Variants in PA2G4 observed in about 807,000 individuals in gnomAD.
PA2G4 encodes the protein proliferation-associated protein 2G4.
A neutral mutation model predicts 53.3 loss-of-function variants in PA2G4; 8 were observed. That is an observed-to-expected ratio of 0.15 (90% CI 0.09 to 0.27). The LOEUF is 0.27. PA2G4 is among the 10% of genes least tolerant of loss of function. PA2G4 has a pLI of 1.00. For synonymous variants in PA2G4, 143 were observed against 169.8 expected (o/e 0.84, Z 1.23); for missense variants, 208 against 486.8 (o/e 0.43, Z 5.39).
At chr12:56,106,543 AC>A (rs1176750292) in intron 1 of PA2G4, 44 bp from the exon 2 acceptor site, 11 of 1,478,818 alleles carry the variant, frequency 7.4e-6, no homozygotes, top group Non-Finnish European at 7.2e-6. Context: ...TGGTAACTAG[AC>A]AATGAATACA....
chr12:56,108,806 A>G (rs909909930), intron 5 of PA2G4, among the ~76,000 whole-genome samples: 1 of 152,166 alleles, frequency 6.6e-6, no homozygotes, highest in Non-Finnish European at 1.5e-5. Flanking sequence ...GTGAATGACA[A>G]TCATTGGGGC....
intron 1 of PA2G4, 127 bp downstream of exon 1, chr12:56,104,952 G>C: frequency 1.1e-6 from 1 of 893,876 alleles, no homozygotes. Context: ...GGTCCGCTGG[G>C]CACGGCGTGG....
Position 56,107,197 on chromosome 12 carries a change from G to A in PA2G4, c.334G>A (p.Val112Ile). The A allele has an allele frequency of 6.2e-7, 1 of 1,613,748 alleles. No individual in the cohort carries two copies. Among genetic ancestry groups the A allele is most frequent in the Non-Finnish European group, 8.5e-7 (1 of 1,179,714 alleles). Reference protein sequence around the residue: ...EGDLVKIDLGVHVDGFIANVA... With the variant: ...EGDLVKIDLGIHVDGFIANVA... ...GATCTTGCCTTTCAGTGACCTTGGG[G>A]TCCATGTGGATGGCTTCATCGCTAA... The change falls in exon 4 of 13, where the codon GTC becomes ATC. Residue 112 changes from valine to isoleucine, a missense_variant. Physicochemically the swap from Val to Ile is conservative, Grantham distance 29 (BLOSUM62 3). Coordinates refer to ENST00000303305, the MANE Select transcript of PA2G4 (RefSeq NM_006191.3).
At position 56,112,949 on chromosome 12, in the gene PA2G4, ACT is replaced by A. The variant is rs1869461639; in HGVS notation, c.*64_*65del. On this transcript the variant is annotated 3_prime_UTR_variant, in exon 13 of 13. Coordinates refer to ENST00000303305, the MANE Select transcript of PA2G4 (RefSeq NM_006191.3). ...TCATCCCCTTCCCACCAAACCCCAG[ACT>A]CTGTGAAGTGCAGTTCTTCTCCACC... is the stretch of plus-strand genomic sequence containing the variant. The A allele has an allele frequency of 1.7e-6, 2 of 1,161,028 alleles. No individual in the cohort carries two copies. The highest frequency in any genetic ancestry group is 2.4e-6 in the Non-Finnish European group (2 of 825,574). The allele number at this position is 1,161,028 out of a possible 1,614,324, so 71.9% of individuals were successfully genotyped here. A position where few individuals can be genotyped will look rare whatever the true frequency, so the allele number is the denominator to read the frequency against.
At chr12:56,108,510 T>C (rs1869347191) in intron 5 of PA2G4, among the ~76,000 whole-genome samples, 2 of 152,190 alleles carry the variant, frequency 1.3e-5, no homozygotes, top group Non-Finnish European at 2.9e-5. Flanking sequence ...TCATTTTCCA[T>C]ATAGTATTTA....
intron 11 of PA2G4, 37 bp from the exon 12 acceptor site, chr12:56,111,439 T>C (rs1384524606): frequency 1.2e-6 from 2 of 1,611,318 alleles, no homozygotes; most frequent in Non-Finnish European, 1.7e-6. Context: ...TTCCTCCACA[T>C]TTCTCAAAAT....
At chr12:56,106,962 C>T in intron 2 of PA2G4, 28 bp from the exon 3 acceptor site, 1 of 1,553,528 alleles carries the variant, frequency 6.4e-7, no homozygotes, top group East Asian at 2.2e-5. Context: ...GACAGCAAGG[C>T]AGTAGGCTGA....
chr12:56,104,902 G>A (rs1869260200), intron 1 of PA2G4, 77 bp downstream of exon 1: 10 of 1,301,700 alleles, frequency 7.7e-6, no homozygotes, highest in African/African-American at 1.4e-5. Flanking sequence ...GGGCTGGAGC[G>A]GAGGGGTCAT....
Position 56,113,018 on chromosome 12 carries a change from C to T in PA2G4, c.*130C>T. ...GCGGGGGGATCTCCCTGCCCCCACC[C>T]CAGTTCCCCAACCCACTCCCTTCCA... On this transcript the variant is annotated 3_prime_UTR_variant, in exon 13 of 13. Coordinates refer to ENST00000303305, the MANE Select transcript of PA2G4 (RefSeq NM_006191.3). 1.8e-6 allele frequency: 1 copy of T among 561,068 alleles called. No individual in the cohort carries two copies. The highest frequency in any genetic ancestry group is 2.6e-5 in the South Asian group (1 of 38,706). 34.8% of individuals were successfully genotyped at this position (561,068 alleles called of 1,614,324 possible).
chr12:56,111,698 A>G (rs1305453823), intron 12 of PA2G4, among the ~76,000 whole-genome samples, 169 bp downstream of exon 12: 5 of 106,432 alleles, frequency 4.7e-5, no homozygotes, highest in East Asian at 3.2e-4. Context: ...GTAAGTCAAA[A>G]TGGATTTTAA....
chr12:56,106,133 A>T (rs1158044326), intron 1 of PA2G4: 1 of 152,578 alleles, frequency 6.6e-6, no homozygotes, highest in Non-Finnish European at 1.5e-5. Flanking sequence ...TCCTTGGCTT[A>T]TGCACTTGTT....
intron 5 of PA2G4, among the ~76,000 whole-genome samples, chr12:56,108,104 T>C: frequency 6.6e-6 from 1 of 151,406 alleles, no homozygotes; most frequent in South Asian, 2.1e-4. Context: ...GGATAAACAC[T>C]GGACTTAATA....
intron 7 of PA2G4, among the ~76,000 whole-genome samples, 172 bp from the exon 8 acceptor site, chr12:56,110,227 G>A (rs568272040): frequency 2.0e-4 from 30 of 152,076 alleles, no homozygotes; most frequent in Non-Finnish European, 3.5e-4. Context: ...AGGCCTGGTG[G>A]TTTGTGCCTA....
In PA2G4 at chr12:56,109,094, C is replaced by G. The variant is rs142495872; in HGVS notation, c.487-136C>G. Reference sequence around the variant, plus strand: ...TGAGCCAAGATCACGCCACTGCACTCCAGCCTGGTGACAAAGCCAGACTCC... The same window carrying G: ...TGAGCCAAGATCACGCCACTGCACTGCAGCCTGGTGACAAAGCCAGACTCC... On this transcript the variant is annotated intron_variant, in intron 5 of 12. Transcript: ENST00000303305. 3.8e-5 allele frequency: 19 copies of G among 502,346 alleles called. No individual in the cohort carries two copies. The East Asian group carries it at 7.1e-4, about 19-fold the overall frequency. 31.1% of individuals were successfully genotyped at this position (502,346 alleles called of 1,614,324 possible).
At chr12:56,111,099 T>G (rs768592840) in intron 10 of PA2G4, 41 bp downstream of exon 10, 6 of 1,612,432 alleles carry the variant, frequency 3.7e-6, no homozygotes, top group Non-Finnish European at 5.1e-6. Context: ...TCCCTGATTA[T>G]AAGATATCCT....
At position 56,110,666 on chromosome 12, in the gene PA2G4, T is replaced by C; in HGVS notation, c.816T>C (p.Arg272=). The change falls in exon 9 of 13, where the codon CGT becomes CGC. Residue 272 remains arginine (R), a synonymous_variant. Coordinates refer to ENST00000303305, the MANE Select transcript of PA2G4 (RefSeq NM_006191.3). The part of the protein sequence containing the change: ...SRAFFSEVER[R]FDAMPFTLRA... ...CCTTCTTCAGTGAGGTGGAAAGGCG[T>C]TTTGATGCCATGCCGTTTACTTTAA... 6.2e-7 allele frequency: 1 copy of C among 1,614,014 alleles called. No individual in the cohort carries two copies. The highest frequency in any genetic ancestry group is 8.5e-7 in the Non-Finnish European group (1 of 1,179,996).
intron 2 of PA2G4, 121 bp from the exon 3 acceptor site, chr12:56,106,869 C>T: frequency 7.9e-7 from 1 of 1,270,828 alleles, no homozygotes; most frequent in South Asian, 1.4e-5. Flanking sequence ...AAGCAGTTTC[C>T]TACCTAATCC....
intron 8 of PA2G4, 24 bp downstream of exon 8, chr12:56,110,501 A>G (rs2136841766): frequency 1.2e-6 from 2 of 1,613,974 alleles, no homozygotes; most frequent in East Asian, 4.5e-5. Context: ...CAGAGTTGGC[A>G]AAGAGGGGTG....
intron 12 of PA2G4, among the ~76,000 whole-genome samples, 195 bp downstream of exon 12, chr12:56,111,724 A>G (rs1405526666): frequency 6.7e-6 from 1 of 149,462 alleles, no homozygotes; most frequent in Non-Finnish European, 1.5e-5. Context: ...ATATATATAT[A>G]TTTTAAGAGA....
Sources: allele counts gnomAD v4.1 joint callset (sites outside exome capture counted in the v4.1 genomes callset), GRCh38; gene constraint gnomAD v4.1.1; transcripts MANE v1.5; gene names NCBI Gene and HGNC (gene_info 2026-07-23, HGNC 2026-07-21).